MAP4: variants seen among roughly 807,000 people sequenced by gnomAD.
The protein encoded by MAP4 is microtubule associated protein 4.
In MAP4, 76 loss-of-function variants were observed where a neutral mutation model predicts 170.2. The ratio of observed to expected loss-of-function variants is 0.45; its 90% confidence interval spans 0.37 to 0.54. MAP4 has a LOEUF of 0.54. Ranked by LOEUF, MAP4 falls within the 20% of genes least tolerant of loss-of-function variation. The probability of loss-of-function intolerance (pLI) is 0.00; values close to 1 mark genes in which losing one functional copy is unlikely to be tolerated. For synonymous variants in MAP4, 909 were observed against 994.5 expected (o/e 0.91, Z 1.62); for missense variants, 2,506 against 2,748.0 (o/e 0.91, Z 1.97).
At chr3:47,937,971 C>T (rs971217884) in intron 3 of MAP4, among the ~76,000 whole-genome samples, 1 of 150,878 alleles carries the variant, frequency 6.6e-6, no homozygotes, top group Admixed American at 6.6e-5. Context: ...CATTTTTCTT[C>T]TTTTATTATT....
chr3:48,080,238 G>C (rs1396157217), intron 1 of MAP4, among the ~76,000 whole-genome samples: 1 of 152,168 alleles, frequency 6.6e-6, no homozygotes, highest in Non-Finnish European at 1.5e-5. Context: ...CTGCAAACCT[G>C]GAATTGGTAG....
chr3:47,989,743 A>C (rs2100090993), intron 2 of MAP4, among the ~76,000 whole-genome samples: 1 of 152,240 alleles, frequency 6.6e-6, no homozygotes, highest in Non-Finnish European at 1.5e-5. Context: ...CTGCCAGATA[A>C]GACATACTGG....
At chr3:47,867,369 C>T in intron 16 of MAP4, 31 bp from the exon 17 acceptor site, 1 of 1,457,398 alleles carries the variant, frequency 6.9e-7, no homozygotes, top group South Asian at 1.1e-5. Context: ...AAAAACAACA[C>T]AAAGGGAGAG....
intron 1 of MAP4, among the ~76,000 whole-genome samples, chr3:48,073,271 ACACACACACACAC>A (rs1414184266): frequency 3.4e-5 from 5 of 147,696 alleles, no homozygotes; most frequent in African/African-American, 5.0e-5. Flanking sequence ...ACACACACAC[ACACACACACACAC>A]ACACACACAC....
rs148645850 is a variant in MAP4 at position 47,916,847 on chromosome 3, T to A, written c.980A>T (p.Asp327Val). The A allele has an allele frequency of 1.9e-4, 305 of 1,614,118 alleles. 1 individual carries two copies. Among genetic ancestry groups the A allele is most frequent in the Middle Eastern group, 1.3e-3 (8 of 6,082 alleles). Residue 327 changes from aspartate (D) to valine (V), a missense_variant, in exon 7 of 21, where the codon GAT (aspartate) becomes GTT (valine). Transcript: ENST00000683076. The stretch of plus-strand genomic sequence containing the variant: ...TACCACATTCTTGGCTGAAGATACA[T>A]CTGTTTCTGTGGGCCATCTGACATC... ...VKDVRWPTET[D>V]VSSAKNVVLP...
intron 10 of MAP4, among the ~76,000 whole-genome samples, chr3:47,881,707 A>G (rs1414057210): frequency 2.0e-5 from 3 of 151,198 alleles, no homozygotes; most frequent in Admixed American, 2.0e-4. Context: ...CCTCGGTTCA[A>G]GTGATCCTCC....
Position 47,855,315 on chromosome 3 carries a change from T to A in MAP4, c.6629A>T (p.Glu2210Val), listed in dbSNP as rs985077354. Residue 2210 changes from glutamate to valine, a missense_variant, in exon 19 of 21, where the codon GAG (glutamate) becomes GTG (valine). Around this residue, in one of 3 missense-constraint regions of MAP4, gnomAD observed 487 missense variants for 511.6 expected, o/e 0.95. Coordinates refer to ENST00000683076, the MANE Select transcript of MAP4 (RefSeq NM_001385682.1). This position sits in a 1 kb window ranked among gnomAD's most constrained non-coding sequence, Gnocchi z 5.1. ...GGATCCCACCTTGGCCTGGGCCTTC[T>A]CCTTGAAGTTCAACTTCTGACTTTC... is the stretch of plus-strand genomic sequence containing the variant. ...KIESQKLNFKEKAQAKVGSLD... is the reference protein window; with the variant it reads ...KIESQKLNFKVKAQAKVGSLD... 1 of 1,614,116 alleles carries A rather than the reference T, an allele frequency of 6.2e-7. No homozygotes were observed. The highest frequency in any genetic ancestry group is 1.3e-5 in the African/African-American group (1 of 75,050).
rs190133373 is a variant in MAP4 at position 47,884,148 on chromosome 3, A to G, written c.5435-6625T>C. Among the ~76,000 whole-genome samples, 338 of 152,312 alleles carry G rather than the reference A, an allele frequency of 2.2e-3. 1 individual carries two copies. Among genetic ancestry groups the G allele is most frequent in the African/African-American group, 7.2e-3 (298 of 41,576 alleles). On this transcript the variant is annotated intron_variant, in intron 10 of 20. Coordinates refer to ENST00000683076, the MANE Select transcript of MAP4 (RefSeq NM_001385682.1). ...ATGTTAGATCTTTTGTTATTGTCCCATGGGTCTGAAGATATGTTTTTTCCT... is the reference window on the plus strand; with the variant it reads ...ATGTTAGATCTTTTGTTATTGTCCCGTGGGTCTGAAGATATGTTTTTTCCT...
At chr3:48,063,726 A>G (rs1242833619) in intron 1 of MAP4, among the ~76,000 whole-genome samples, 1 of 152,106 alleles carries the variant, frequency 6.6e-6, no homozygotes, top group Non-Finnish European at 1.5e-5. Flanking sequence ...GCATATTGCT[A>G]GGTGAAAAAA....
intron 2 of MAP4, among the ~76,000 whole-genome samples, chr3:47,993,806 G>C (rs1159222599): frequency 1.3e-5 from 2 of 152,220 alleles, no homozygotes; most frequent in Non-Finnish European, 2.9e-5. Context: ...AAAGCACTTT[G>C]TCTGTTGACT....
At chr3:47,907,211 C>T (rs955828120) in intron 9 of MAP4, among the ~76,000 whole-genome samples, 2 of 152,028 alleles carry the variant, frequency 1.3e-5, no homozygotes, top group African/African-American at 2.4e-5. Context: ...TGTATGTATA[C>T]GTCTCATTTA....
chr3:47,941,255 G>GAA (rs2100056207), intron 3 of MAP4, among the ~76,000 whole-genome samples: 1 of 102,586 alleles, frequency 9.7e-6, no homozygotes, highest in Admixed American at 9.9e-5. Flanking sequence ...AAAGGAAGAA[G>GAA]AAGAAGAAAA....
chr3:47,880,113 T>C (rs547958876), intron 10 of MAP4, among the ~76,000 whole-genome samples: 1 of 152,268 alleles, frequency 6.6e-6, no homozygotes, highest in East Asian at 1.9e-4. Flanking sequence ...GATTACTTTT[T>C]TTTTTTGAGA....
In MAP4 at chr3:47,998,643, A is replaced by G. The variant is rs769111032; in HGVS notation, c.218T>C (p.Ile73Thr). Residue 73 changes from isoleucine to threonine, a missense_variant, in exon 2 of 21, where the codon ATT becomes ACT. Transcript: ENST00000683076. ...AGTCTGGTTTAAATACTTACCTTCAATCTGGCTAGTTTCTGAGCACGGTTT... is the reference window on the plus strand; with the variant it reads ...AGTCTGGTTTAAATACTTACCTTCAGTCTGGCTAGTTTCTGAGCACGGTTT... ...KKKPCSETSQ[I>T]EDTPSSKPTL... The G allele has an allele frequency of 3.7e-6, 6 of 1,613,086 alleles. No individual in the cohort carries two copies. The highest frequency in any genetic ancestry group is 1.7e-4 in the Middle Eastern group (1 of 6,056).
At position 47,975,458 on chromosome 3, in the gene MAP4, C is replaced by T. The variant is rs151322741; in HGVS notation, c.292+2407G>A. The T allele has an allele frequency of 3.0e-5, 47 of 1,568,264 alleles. 1 individual carries two copies. The Middle Eastern group carries it at 5.0e-4, about 17-fold the overall frequency. On this transcript the variant is annotated intron_variant, in intron 3 of 20. Transcript: ENST00000683076. The stretch of plus-strand genomic sequence containing the variant: ...AGCAGCCCCAGTGTTGAGAGACACG[C>T]TAGGCTTCTAGGAGGAGAAAAATAG...
At chr3:47,902,863 T>TA in intron 10 of MAP4, 87 bp downstream of exon 10, 1 of 470,442 alleles carries the variant, frequency 2.1e-6, no homozygotes, top group Non-Finnish European at 2.8e-6. Context: ...CTGCTGAGCA[T>TA]ATTTTATTTA....
At chr3:47,889,957 T>TC (rs1338512903) in intron 10 of MAP4, among the ~76,000 whole-genome samples, 2 of 150,120 alleles carry the variant, frequency 1.3e-5, no homozygotes, top group Admixed American at 1.3e-4. Flanking sequence ...ACCCAAAACA[T>TC]CTGTATGTCT....
chr3:48,032,371 G>A (rs139426488), intron 1 of MAP4, among the ~76,000 whole-genome samples: 3 of 152,086 alleles, frequency 2.0e-5, no homozygotes, highest in Non-Finnish European at 1.5e-5. Context: ...GCATGGTGGT[G>A]TGCGCCTGTA....
intron 17 of MAP4, among the ~76,000 whole-genome samples, chr3:47,862,346 CAAAAAAAAAAAAAAA>C (rs57751818): frequency 9.6e-5 from 5 of 52,354 alleles, no homozygotes; most frequent in Non-Finnish European, 2.2e-4. Context: ...GACTGTGTCT[CAAAAAAAAAAAAAAA>C]AAAAAAAAAA....
Sources: allele counts gnomAD v4.1 joint callset (sites outside exome capture counted in the v4.1 genomes callset), GRCh38; gene constraint gnomAD v4.1.1; regional missense constraint gnomAD v4.1.1; non-coding constraint Gnocchi (gnomAD v3.1); transcripts MANE v1.5; gene names NCBI Gene and HGNC (gene_info 2026-07-23, HGNC 2026-07-21).